The following TMEM132D variants were observed in gnomAD, a reference collection of about 807,000 sequenced individuals.
TMEM132D encodes mature OL transmembrane protein.
A neutral mutation model predicts 62.3 loss-of-function variants in TMEM132D; 21 were observed. The observed-to-expected ratio is 0.34, with a 90% confidence interval of 0.24 to 0.49. TMEM132D has a LOEUF of 0.49. Among genes scored for constraint, TMEM132D ranks in the 20% least tolerant of loss-of-function variants. The pLI is 0.99. For missense variants in TMEM132D, 1,346 were observed against 1,402.8 expected, an observed-to-expected ratio of 0.96 and a Z score of 0.65; for synonymous variants, 621 against 575.6, an observed-to-expected ratio of 1.08 and a Z score of -1.13.
intron 3 of TMEM132D, among the ~76,000 whole-genome samples, chr12:129,424,279 A>G (rs1872415092): frequency 6.6e-6 from 1 of 152,054 alleles, no homozygotes; most frequent in Non-Finnish European, 1.5e-5. Context: ...TCAATAAAGT[A>G]TTAGTTTCTC....
At chr12:129,170,690 T>C (rs542984575) in intron 5 of TMEM132D, among the ~76,000 whole-genome samples, 21 of 152,064 alleles carry the variant, frequency 1.4e-4, no homozygotes, top group Non-Finnish European at 5.9e-5. Context: ...CTGAGTGTTG[T>C]GGCGCACACC....
In TMEM132D at chr12:129,867,082, C is replaced by G. The variant is rs149150615; in HGVS notation, c.79+36179G>C. Among the ~76,000 whole-genome samples the G allele has an allele frequency of 5.6e-4, 59 of 104,594 alleles. No individual in the cohort carries two copies. The highest frequency in any genetic ancestry group is 1.2e-3 in the Non-Finnish European group (52 of 44,694). The allele number at this position is 104,594 out of a possible 152,430, so 68.6% of individuals were successfully genotyped here. The stretch of plus-strand genomic sequence containing the variant: ...GGGCAACACGGAAAAACCCCAAAAC[C>G]CTGTCTCTACAAAAAAAAAATACAG... On this transcript the variant is annotated intron_variant, in intron 1 of 8. Coordinates refer to ENST00000422113, the MANE Select transcript of TMEM132D (RefSeq NM_133448.3). This position sits in a 1 kb window ranked among gnomAD's most constrained non-coding sequence, Gnocchi z 4.5.
intron 5 of TMEM132D, among the ~76,000 whole-genome samples, chr12:129,126,225 A>G (rs1272939746): frequency 6.6e-6 from 1 of 152,174 alleles, no homozygotes; most frequent in Non-Finnish European, 1.5e-5. Flanking sequence ...CTCTATATTT[A>G]TATCTATGGA....
chr12:129,409,965 C>T (rs138372244), intron 3 of TMEM132D, among the ~76,000 whole-genome samples: 11 of 152,278 alleles, frequency 7.2e-5, no homozygotes, highest in East Asian at 3.9e-4. Context: ...TGCCTAAGAA[C>T]GTCACTTAAA....
chr12:129,169,664 CCAT>C (rs1251031773), intron 5 of TMEM132D, among the ~76,000 whole-genome samples: 1 of 152,184 alleles, frequency 6.6e-6, no homozygotes, highest in East Asian at 1.9e-4. Flanking sequence ...CTCTATATTT[CCAT>C]CATCAAGACG....
chr12:129,165,892 C>T (rs1424331992), intron 5 of TMEM132D, among the ~76,000 whole-genome samples: 1 of 152,182 alleles, frequency 6.6e-6, no homozygotes, highest in Non-Finnish European at 1.5e-5. Context: ...GCATGATGCT[C>T]TCGATAAGAA....
chr12:129,420,582 GTGCTTC>G (rs1448485203), intron 3 of TMEM132D, among the ~76,000 whole-genome samples: 4 of 152,104 alleles, frequency 2.6e-5, no homozygotes, highest in Non-Finnish European at 5.9e-5. Flanking sequence ...GGTTGGTTGT[GTGCTTC>G]TCAAGAATCT....
rs755711363 is a variant in TMEM132D, at chr12:129,074,140, A to G, written c.3035T>C (p.Ile1012Thr). The G allele has an allele frequency of 3.1e-6, 5 of 1,613,912 alleles. No homozygotes were observed. In the South Asian group the frequency reaches 5.5e-5, roughly 18 times the overall value. ...CAAAGGTTTGAACAGCTGCCCATTG[A>G]TGCTTTTTTGGGAGTTTGTGCTGAG... The part of the protein sequence containing the change: ...YLLSTNSQKS[I>T]NGQLFKPLGP... Residue 1012 changes from isoleucine (I) to threonine (T), a missense_variant, in exon 9 of 9, where the codon ATC becomes ACC. Physicochemically the swap from Ile to Thr is moderately conservative, Grantham distance 89 (BLOSUM62 -1). Transcript: ENST00000422113.
At chr12:129,236,619 A>G (rs1879793954) in intron 4 of TMEM132D, among the ~76,000 whole-genome samples, 1 of 151,840 alleles carries the variant, frequency 6.6e-6, no homozygotes, top group African/African-American at 2.4e-5. Flanking sequence ...TAGTTCTAGC[A>G]GTTTTTCGTG....
intron 3 of TMEM132D, among the ~76,000 whole-genome samples, chr12:129,515,947 G>GA (rs2137077324): frequency 6.6e-6 from 1 of 152,120 alleles, no homozygotes; most frequent in East Asian, 1.9e-4. Flanking sequence ...TTTCATAGGG[G>GA]TGTCAGCCAT....
intron 2 of TMEM132D, among the ~76,000 whole-genome samples, chr12:129,563,088 T>C (rs1200274260): frequency 6.6e-6 from 1 of 152,236 alleles, no homozygotes; most frequent in Non-Finnish European, 1.5e-5. Context: ...ACAAGTATGC[T>C]GATAAAATCA....
At position 129,089,503 on chromosome 12, in the gene TMEM132D, CTCT is replaced by C. The variant is rs1246696867; in HGVS notation, c.1444-4804_1444-4802del. On this transcript the variant is annotated intron_variant, in intron 5 of 8. Coordinates refer to ENST00000422113, the MANE Select transcript of TMEM132D (RefSeq NM_133448.3). ...CGGGTGTCCTCCATGACCGGGTGTC[CTCT>C]ATGACCGGGTGTCCTCCATGACCGG... Among the ~76,000 whole-genome samples the C allele has an allele frequency of 1.1e-4, 14 of 130,036 alleles. 5 individuals are homozygous for C. Among genetic ancestry groups the C allele is most frequent in the African/African-American group, 3.8e-4 (12 of 31,252 alleles). The allele number at this position is 130,036 out of a possible 152,430, so 85.3% of individuals were successfully genotyped here.
At chr12:129,844,468 T>A (rs974023447) in intron 1 of TMEM132D, among the ~76,000 whole-genome samples, 4 of 152,160 alleles carry the variant, frequency 2.6e-5, no homozygotes, top group African/African-American at 9.7e-5. Flanking sequence ...ACAAATGTAA[T>A]CCCAATGTTT....
At chr12:129,841,933 G>T (rs1346344098) in intron 1 of TMEM132D, among the ~76,000 whole-genome samples, 50 of 137,078 alleles carry the variant, frequency 3.6e-4, no homozygotes, top group Non-Finnish European at 6.6e-4. Context: ...TGGTTTTCGT[G>T]TTTTTTTTTT....
intron 4 of TMEM132D, among the ~76,000 whole-genome samples, chr12:129,233,216 A>T (rs2398458): frequency 3.9e-5 from 6 of 152,158 alleles, no homozygotes; most frequent in Admixed American, 6.5e-5. Flanking sequence ...TATATGAGGG[A>T]GGGGGCCCTG....
intron 3 of TMEM132D, among the ~76,000 whole-genome samples, chr12:129,428,267 A>G (rs1872554790): frequency 6.6e-6 from 1 of 152,244 alleles, no homozygotes; most frequent in Admixed American, 6.5e-5. Context: ...TGCTTTACAT[A>G]AAGATGTTAC....
chr12:129,114,857 G>T (rs1875845296), intron 5 of TMEM132D, among the ~76,000 whole-genome samples: 1 of 152,172 alleles, frequency 6.6e-6, no homozygotes, highest in Admixed American at 6.5e-5. Context: ...GTTGTATTTT[G>T]TTCCTTCTTG....
chr12:129,701,550 A>G (rs1312968851), intron 1 of TMEM132D, among the ~76,000 whole-genome samples: 1 of 152,232 alleles, frequency 6.6e-6, no homozygotes, highest in African/African-American at 2.4e-5. Flanking sequence ...CTACGCCGTC[A>G]CCAACGAACA....
At chr12:129,343,849 T>G (rs1213282101) in intron 3 of TMEM132D, among the ~76,000 whole-genome samples, 3 of 152,002 alleles carry the variant, frequency 2.0e-5, no homozygotes, top group Non-Finnish European at 4.4e-5. Context: ...GAGAATTGCT[T>G]GAACACAGGA....
Sources: gnomAD v4.1 joint callset for allele counts (sites outside exome capture counted in the v4.1 genomes callset) on GRCh38, gnomAD v4.1.1 for gene constraint, Gnocchi (gnomAD v3.1) non-coding constraint, MANE v1.5 for transcripts, NCBI Gene and HGNC (gene_info 2026-07-23, HGNC 2026-07-21) for gene names.